DPP6: variants seen among roughly 807,000 people sequenced by gnomAD.
DPP6 encodes the protein dipeptidyl peptidase like 6.
Under a neutral mutation model 122.6 loss-of-function variants are expected in DPP6, and 69 were observed. The observed-to-expected ratio is 0.56, with a 90% CI of 0.46 to 0.69. DPP6 has a LOEUF of 0.69. DPP6 is among the 30% of genes least tolerant of loss of function. The pLI is 0.00. For missense variants in DPP6, 928 were observed against 1,116.9 expected (o/e 0.83, Z 2.41); for synonymous variants, 418 against 433.1 (o/e 0.97, Z 0.43).
the DPP6 span, among the ~76,000 whole-genome samples, chr7:153,817,201 T>TAGCA: frequency 6.7e-6 from 1 of 148,440 alleles, no homozygotes; most frequent in African/African-American, 2.5e-5. Context: ...GGGGTGTATA[T>TAGCA]AGCAGGGAAG....
At chr7:154,260,476 G>A (rs991940141) in intron 1 of DPP6, among the ~76,000 whole-genome samples, 6 of 151,688 alleles carry the variant, frequency 4.0e-5, no homozygotes, top group African/African-American at 1.5e-4. Context: ...CCCAAAGTCC[G>A]TTGTGCCATT....
At chr7:154,357,031 C>T (rs948756813) in intron 1 of DPP6, among the ~76,000 whole-genome samples, 2 of 152,116 alleles carry the variant, frequency 1.3e-5, no homozygotes, top group Non-Finnish European at 2.9e-5. Context: ...TTTACCCACA[C>T]CTAGCACATC....
At chr7:154,756,784 C>T (rs148631731) in intron 8 of DPP6, among the ~76,000 whole-genome samples, 3 of 152,086 alleles carry the variant, frequency 2.0e-5, no homozygotes, top group Non-Finnish European at 4.4e-5. Context: ...TGATTCAGCT[C>T]GCGAGATATT....
intron 1 of DPP6, among the ~76,000 whole-genome samples, chr7:154,030,162 T>C (rs1005664268): frequency 2.0e-5 from 3 of 152,160 alleles, no homozygotes; most frequent in Admixed American, 6.5e-5. Flanking sequence ...CACCACCGCA[T>C]TCCAGCCTGA....
intron 8 of DPP6, among the ~76,000 whole-genome samples, chr7:154,762,526 C>A (rs1353016287): frequency 6.6e-6 from 1 of 152,242 alleles, no homozygotes; most frequent in Non-Finnish European, 1.5e-5. Flanking sequence ...TGCCCCACGG[C>A]CTTCCGCAGT....
At chr7:154,072,969 A>G (rs1803233156) in intron 1 of DPP6, among the ~76,000 whole-genome samples, 1 of 152,224 alleles carries the variant, frequency 6.6e-6, no homozygotes, top group Non-Finnish European at 1.5e-5. Context: ...AGCAACTGTG[A>G]GACATGACGA....
intron 3 of DPP6, among the ~76,000 whole-genome samples, chr7:154,500,114 C>T (rs1171678330): frequency 2.0e-5 from 3 of 152,110 alleles, no homozygotes; most frequent in African/African-American, 4.8e-5. Context: ...GCTCGTCACA[C>T]TACATTCTAG....
intron 5 of DPP6, among the ~76,000 whole-genome samples, chr7:154,630,809 A>AGCATTAGG (rs1449742503): frequency 6.6e-6 from 1 of 152,128 alleles, no homozygotes; most frequent in African/African-American, 2.4e-5. Flanking sequence ...GGGGAGGGAG[A>AGCATTAGG]GCATTAGGAC....
At chr7:154,333,885 A>G (rs1248236565) in intron 1 of DPP6, among the ~76,000 whole-genome samples, 1 of 152,192 alleles carries the variant, frequency 6.6e-6, no homozygotes, top group Non-Finnish European at 1.5e-5. Flanking sequence ...ACAGTCATGG[A>G]CAAAACTGGA....
chr7:153,953,830 T>A (rs1215444772), intron 1 of DPP6, among the ~76,000 whole-genome samples: 2 of 152,150 alleles, frequency 1.3e-5, no homozygotes, highest in Non-Finnish European at 2.9e-5. Context: ...CAGGCACACA[T>A]ACAAAGACAT....
intron 1 of DPP6, among the ~76,000 whole-genome samples, chr7:154,357,488 C>G (rs1341836142): frequency 6.6e-6 from 1 of 152,150 alleles, no homozygotes; most frequent in Non-Finnish European, 1.5e-5. Flanking sequence ...TTTACATCCT[C>G]TCCTGAAAAT....
At chr7:154,094,968 T>A (rs1030851153) in intron 1 of DPP6, 1 of 152,322 alleles carries the variant, frequency 6.6e-6, no homozygotes, top group African/African-American at 2.4e-5. Flanking sequence ...GGCCATCTCC[T>A]TTCTGCATGC....
chr7:154,281,149 A>G (rs1014875187), intron 1 of DPP6, among the ~76,000 whole-genome samples: 1 of 151,956 alleles, frequency 6.6e-6, no homozygotes, highest in Non-Finnish European at 1.5e-5. Context: ...AGGAGCTGGG[A>G]TTACAGGCGT....
chr7:153,865,574 A>G, the DPP6 span, among the ~76,000 whole-genome samples: 1 of 152,214 alleles, frequency 6.6e-6, no homozygotes, highest in Admixed American at 6.5e-5. Flanking sequence ...TATCACAAGT[A>G]CCTCTTATTT....
chr7:154,591,662 A>C (rs1402116621), intron 5 of DPP6, among the ~76,000 whole-genome samples: 1 of 152,172 alleles, frequency 6.6e-6, no homozygotes, highest in Non-Finnish European at 1.5e-5. Flanking sequence ...ATTAAGAGCT[A>C]TGCTGTTTCA....
At chr7:154,643,599 G>A (rs765357611) in intron 6 of DPP6, among the ~76,000 whole-genome samples, 1 of 151,726 alleles carries the variant, frequency 6.6e-6, no homozygotes, top group Admixed American at 6.6e-5. Flanking sequence ...CTCCTGAGTA[G>A]CTGGGACTAC....
intron 1 of DPP6, among the ~76,000 whole-genome samples, chr7:154,243,177 T>G (rs1043997165): frequency 3.9e-5 from 6 of 152,168 alleles, no homozygotes; most frequent in African/African-American, 1.4e-4. Context: ...AAAGAGATTA[T>G]CTAGAATCAT....
At chr7:154,355,905 A>G (rs1347761329) in intron 1 of DPP6, among the ~76,000 whole-genome samples, 1 of 152,206 alleles carries the variant, frequency 6.6e-6, no homozygotes, top group Non-Finnish European at 1.5e-5. Flanking sequence ...ATTGCATTCT[A>G]TGAAAGATTA....
At chr7:154,018,348 C>T (rs977340536) in intron 1 of DPP6, among the ~76,000 whole-genome samples, 3 of 152,040 alleles carry the variant, frequency 2.0e-5, no homozygotes, top group Non-Finnish European at 2.9e-5. Flanking sequence ...GTGTAAAAAG[C>T]AGGAGAAAGG....
Sources: allele counts gnomAD v4.1 joint callset (sites outside exome capture counted in the v4.1 genomes callset), GRCh38; gene constraint gnomAD v4.1.1; transcripts MANE v1.5; gene names NCBI Gene and HGNC (gene_info 2026-07-23, HGNC 2026-07-21).